The following BLM variants were observed in gnomAD, a reference collection of about 807,000 sequenced individuals.
BLM encodes the protein recQ-like DNA helicase BLM.
In BLM, 95 loss-of-function variants were observed where a neutral mutation model predicts 135.3. The observed-to-expected ratio is 0.70, with a 90% CI of 0.59 to 0.83. The LOEUF is 0.83. Among genes scored for constraint, BLM ranks in the 40% least tolerant of loss-of-function variants. BLM has a pLI of 0.00. For missense variants in BLM, 1,518 were observed against 1,663.9 expected, an observed-to-expected ratio of 0.91 and a Z score of 1.53; for synonymous variants, 520 against 589.2, an observed-to-expected ratio of 0.88 and a Z score of 1.70.
At position 90,815,183 on chromosome 15, in the gene BLM, T is replaced by A. The variant is rs746522338; in HGVS notation, c.4158T>A (p.Ser1386=). ...GATCCAGTTCAGCCTCACATACTTC[T>A]CAAGCGACATCAGGAGCCAATAGCA... ...IIGSSSASHT[S]QATSGANSKL... The change falls in exon 22 of 22, where the codon TCT becomes TCA. Residue 1386 remains serine (S), a synonymous_variant. Coordinates refer to ENST00000355112, the MANE Select transcript of BLM (RefSeq NM_000057.4). This position sits in a 1 kb window ranked among gnomAD's most constrained non-coding sequence, Gnocchi z 4.6. The A allele has an allele frequency of 1.9e-6, 3 of 1,614,206 alleles. No homozygotes were observed. Among genetic ancestry groups the A allele is most frequent in the Non-Finnish European group, 2.5e-6 (3 of 1,180,026 alleles).
intron 9 of BLM, among the ~76,000 whole-genome samples, chr15:90,766,314 G>C (rs887800872): frequency 6.6e-6 from 1 of 151,858 alleles, no homozygotes; most frequent in East Asian, 1.9e-4. Context: ...CCATACAGTA[G>C]GACTGGAATA....
chr15:90,775,855 TTTTG>T (rs144657227), intron 12 of BLM, among the ~76,000 whole-genome samples: 5 of 151,946 alleles, frequency 3.3e-5, no homozygotes, highest in Non-Finnish European at 5.9e-5. Flanking sequence ...GAGATAGGCC[TTTTG>T]TTTGTTTGTT....
intron 7 of BLM, 110 bp downstream of exon 7, chr15:90,761,365 T>C (rs1895984156): frequency 1.1e-6 from 1 of 885,324 alleles, no homozygotes; most frequent in Non-Finnish European, 1.6e-6. Flanking sequence ...ATTGTTGCTA[T>C]GCAAATTTCT....
At chr15:90,747,132 G>C (rs1169157783) in intron 1 of BLM, among the ~76,000 whole-genome samples, 1 of 150,022 alleles carries the variant, frequency 6.7e-6, no homozygotes, top group Non-Finnish European at 1.5e-5. Flanking sequence ...TGTGGAGGAA[G>C]AGAGGGGGAA....
chr15:90,802,543 T>G (rs1187402423), intron 17 of BLM, among the ~76,000 whole-genome samples: 1 of 152,210 alleles, frequency 6.6e-6, no homozygotes, highest in Non-Finnish European at 1.5e-5. Flanking sequence ...TGAATAGGCT[T>G]CATTAGTGAG....
intron 16 of BLM, 108 bp from the exon 17 acceptor site, chr15:90,798,082 T>C (rs566433007): frequency 1.0e-6 from 1 of 969,244 alleles, no homozygotes; most frequent in African/African-American, 1.6e-5. Flanking sequence ...GTCTCGGTAT[T>C]GGTCTGGAAA....
At chr15:90,725,195 C>T (rs1894877788) in intron 1 of BLM, among the ~76,000 whole-genome samples, 1 of 152,124 alleles carries the variant, frequency 6.6e-6, no homozygotes. Flanking sequence ...AGGCATAAGC[C>T]ACCACGCCCG....
intron 12 of BLM, among the ~76,000 whole-genome samples, chr15:90,777,315 C>G (rs938107347): frequency 6.6e-6 from 1 of 152,068 alleles, no homozygotes; most frequent in Non-Finnish European, 1.5e-5. Context: ...CCATGCCCAG[C>G]TAATTTTTTG....
intron 1 of BLM, among the ~76,000 whole-genome samples, chr15:90,727,253 A>G (rs1162890062): frequency 6.6e-6 from 1 of 152,038 alleles, no homozygotes; most frequent in South Asian, 2.1e-4. Flanking sequence ...GCCTCAAGCA[A>G]TCCTCCCGCC....
chr15:90,735,390 T>C (rs929251676), intron 1 of BLM, among the ~76,000 whole-genome samples: 1 of 151,220 alleles, frequency 6.6e-6, no homozygotes, highest in Non-Finnish European at 1.5e-5. Context: ...AAAATAAACA[T>C]ATAAGAATAG....
At chr15:90,814,430 C>T (rs934511550) in intron 21 of BLM, among the ~76,000 whole-genome samples, 3 of 152,176 alleles carry the variant, frequency 2.0e-5, no homozygotes, top group Non-Finnish European at 4.4e-5. Flanking sequence ...ACTTGGTAAT[C>T]GGCTCTGGCG....
intron 4 of BLM, among the ~76,000 whole-genome samples, chr15:90,752,435 C>T (rs1895713484): frequency 6.6e-6 from 1 of 152,074 alleles, no homozygotes; most frequent in Admixed American, 6.6e-5. Flanking sequence ...CCTTGGCCTC[C>T]CAAAGTGCTA....
intron 14 of BLM, among the ~76,000 whole-genome samples, chr15:90,786,212 T>C (rs1347093282): frequency 6.6e-6 from 1 of 152,082 alleles, no homozygotes; most frequent in Non-Finnish European, 1.5e-5. Context: ...GGTCTTGAAC[T>C]CCTGGGCTCA....
In BLM at chr15:90,762,948, C is replaced by T. The variant is rs755428003; in HGVS notation, c.1883-18C>T. 1.9e-6 allele frequency: 3 copies of T among 1,607,490 alleles called. No individual in the cohort carries two copies. Among genetic ancestry groups the T allele is most frequent in the South Asian group, 1.1e-5 (1 of 90,708 alleles). ...GTATTCATGTACTGATTTTTCTTAACGTTGATTATTTTCCTAGACAAGTCA... is the reference window on the plus strand; with the variant it reads ...GTATTCATGTACTGATTTTTCTTAATGTTGATTATTTTCCTAGACAAGTCA... On this transcript the variant is annotated intron_variant, in intron 7 of 21. Coordinates refer to ENST00000355112, the MANE Select transcript of BLM (RefSeq NM_000057.4).
At chr15:90,798,875 C>CGGGAA (rs1555423851) in intron 17 of BLM, among the ~76,000 whole-genome samples, 1 of 152,028 alleles carries the variant, frequency 6.6e-6, no homozygotes, top group Non-Finnish European at 1.5e-5. Flanking sequence ...CCCAGCTACT[C>CGGGAA]GGGAGGCTGA....
In BLM at chr15:90,769,237, T is replaced by C; in HGVS notation, c.2406+6T>C. The C allele has an allele frequency of 6.3e-7, 1 of 1,599,234 alleles. No homozygotes were observed. The highest frequency in any genetic ancestry group is 8.6e-7 in the Non-Finnish European group (1 of 1,166,446). ...AAGCACATTGTGTCAGTCAGGTAAA[T>C]ACTGTTTTTTATATCCGGAAATACC... On this transcript the variant is annotated splice_donor_region_variant and intron_variant, in intron 11 of 21. Transcript: ENST00000355112.
intron 5 of BLM, among the ~76,000 whole-genome samples, chr15:90,755,777 T>C (rs1021929955): frequency 6.6e-6 from 1 of 152,226 alleles, no homozygotes; most frequent in Non-Finnish European, 1.5e-5. Context: ...TCCTTGATTT[T>C]ATCTTTAACT....
At chr15:90,786,334 A>G (rs1328842435) in intron 14 of BLM, among the ~76,000 whole-genome samples, 3 of 152,050 alleles carry the variant, frequency 2.0e-5, no homozygotes, top group Non-Finnish European at 4.4e-5. Context: ...GTGAGCATTC[A>G]CGTACAAGTT....
At chr15:90,773,875 TTCA>T (rs1313911622) in intron 12 of BLM, among the ~76,000 whole-genome samples, 6 of 152,184 alleles carry the variant, frequency 3.9e-5, no homozygotes, top group Admixed American at 1.3e-4. Flanking sequence ...TATTTGCCCA[TTCA>T]TCATTTGATG....
Sources: gnomAD v4.1 joint callset for allele counts (sites outside exome capture counted in the v4.1 genomes callset) on GRCh38, gnomAD v4.1.1 for gene constraint, Gnocchi (gnomAD v3.1) non-coding constraint, MANE v1.5 for transcripts, NCBI Gene and HGNC (gene_info 2026-07-23, HGNC 2026-07-21) for gene names.